SNRPG: variants seen among roughly 807,000 people sequenced by gnomAD.
SNRPG encodes the protein small nuclear ribonucleoprotein polypeptide G.
In SNRPG, 3 loss-of-function variants were observed where a neutral mutation model predicts 13.9. The observed-to-expected ratio is 0.22, with a 90% CI of 0.10 to 0.56. The LOEUF is 0.56. Among genes scored for constraint, SNRPG ranks in the 20% least tolerant of loss-of-function variants. SNRPG has a pLI of 0.93. For missense variants in SNRPG, 34 were observed against 96.1 expected, an observed-to-expected ratio of 0.35 and a Z score of 2.70; for synonymous variants, 29 against 29.3, an observed-to-expected ratio of 0.99 and a Z score of 0.03.
At chr2:70,289,963 A>G (rs1697040540) in intron 1 of SNRPG, among the ~76,000 whole-genome samples, 1 of 149,536 alleles carries the variant, frequency 6.7e-6, no homozygotes, top group Admixed American at 6.6e-5. Flanking sequence ...TTACATTCTT[A>G]TTGTTCAATA....
At chr2:70,291,014 A>AACACACACACACACACAC (rs56202448) in intron 1 of SNRPG, among the ~76,000 whole-genome samples, 14 of 133,582 alleles carry the variant, frequency 1.0e-4, no homozygotes, top group South Asian at 7.7e-4. Context: ...TCCATCTCAA[A>AACACACACACACACACAC]ACACACACAC....
At chr2:70,285,580 G>C (rs1475335783) in intron 3 of SNRPG, among the ~76,000 whole-genome samples, 1 of 151,906 alleles carries the variant, frequency 6.6e-6, no homozygotes, top group Non-Finnish European at 1.5e-5. Context: ...ATACACACGC[G>C]CGTGCACACA....
chr2:70,283,691 T>A (rs763672764), intron 3 of SNRPG, among the ~76,000 whole-genome samples: 2 of 152,062 alleles, frequency 1.3e-5, no homozygotes, highest in African/African-American at 4.8e-5. Context: ...GGGAACACAA[T>A]TGGTAGGATA....
chr2:70,282,877 T>C (rs540862725), intron 3 of SNRPG, among the ~76,000 whole-genome samples: 1 of 152,152 alleles, frequency 6.6e-6, no homozygotes, highest in East Asian at 1.9e-4. Flanking sequence ...GTGGATCACC[T>C]GAGGTTGGGA....
At chr2:70,283,060 A>T (rs1369327251) in intron 3 of SNRPG, among the ~76,000 whole-genome samples, 1 of 132,638 alleles carries the variant, frequency 7.5e-6, no homozygotes, top group Non-Finnish European at 1.5e-5. Context: ...GCGCCACTGC[A>T]CTCCAGCCTG....
At chr2:70,287,158 A>G in intron 3 of SNRPG, 2 of 594,534 alleles carry the variant, frequency 3.4e-6, no homozygotes, top group Non-Finnish European at 5.9e-6. Flanking sequence ...ATGGTATGTA[A>G]AAAAATTAAA....
Position 70,293,381 on chromosome 2 carries a change from G to A in SNRPG, c.32+237C>T, listed in dbSNP as rs1023298156. Reference sequence around the variant, plus strand: ...ACCAGGGGCCAGACCGCGGGACCTGGAGACTAGTCGGCCGGAAGGAGGTGC... The same window carrying A: ...ACCAGGGGCCAGACCGCGGGACCTGAAGACTAGTCGGCCGGAAGGAGGTGC... On this transcript the variant is annotated intron_variant, in intron 1 of 3. Coordinates refer to ENST00000272348, the MANE Select transcript of SNRPG (RefSeq NM_003096.4). The A allele has an allele frequency of 9.5e-6, 6 of 628,618 alleles. No individual in the cohort carries two copies. The African/African-American group carries it at 1.1e-4, about 11-fold the overall frequency. 38.9% of individuals were successfully genotyped at this position (628,618 alleles called of 1,614,324 possible).
At chr2:70,287,287 TTAA>T (rs1696966510) in intron 3 of SNRPG, 1 of 702,700 alleles carries the variant, frequency 1.4e-6, no homozygotes, top group East Asian at 2.7e-5. Flanking sequence ...GTCTTTATGC[TTAA>T]TAATTTGCTA....
rs910863907 is a variant in SNRPG, at chr2:70,293,454, TTC to T, written c.32+162_32+163del. 2.3e-4 allele frequency: 171 copies of T among 738,942 alleles called. 1 individual carries two copies. Among genetic ancestry groups the T allele is most frequent in the Middle Eastern group, 7.1e-4 (3 of 4,236 alleles). 45.8% of individuals were successfully genotyped at this position (738,942 alleles called of 1,614,324 possible). A position where few individuals can be genotyped will look rare whatever the true frequency, so the allele number is the denominator to read the frequency against. ...ACCGACGCGCGAGCTCTGCGCGGGCTTCACGTCTCATGCGCGGGAGCCTGGCC... is the reference window on the plus strand; with the variant it reads ...ACCGACGCGCGAGCTCTGCGCGGGCTACGTCTCATGCGCGGGAGCCTGGCC... On this transcript the variant is annotated intron_variant, in intron 1 of 3. Transcript: ENST00000272348.
chr2:70,283,096 C>CAAAAAAAAAAAAAAAAAAAAAAA (rs57862220), intron 3 of SNRPG, among the ~76,000 whole-genome samples: 3 of 14,042 alleles, frequency 2.1e-4, no homozygotes, highest in Admixed American at 1.1e-3. Flanking sequence ...TGTCTTTTGT[C>CAAAAAAAAAAAAAAAAAAAAAAA]AAAAAAAAAA....
At chr2:70,289,258 A>G in intron 2 of SNRPG, 92 bp downstream of exon 2, 1 of 815,410 alleles carries the variant, frequency 1.2e-6, no homozygotes, top group Non-Finnish European at 2.0e-6. Context: ...TGGCTGCTTT[A>G]AATTTTTATA....
At chr2:70,288,268 T>C in intron 2 of SNRPG, 76 bp from the exon 3 acceptor site, 2 of 1,271,502 alleles carry the variant, frequency 1.6e-6, no homozygotes, top group Non-Finnish European at 2.3e-6. Flanking sequence ...TCAGGTGGGA[T>C]AAAACACAAG....
rs560343902 is a variant in SNRPG at position 70,287,059 on chromosome 2, G to T, written c.180+1009C>A. Among the ~76,000 whole-genome samples the T allele has an allele frequency of 3.9e-5, 6 of 152,156 alleles. No individual in the cohort carries two copies. In the South Asian group the frequency reaches 1.2e-3, roughly 32 times the overall value. ...GTGTGGTATCTGGAGACTCTAAACT[G>T]TTTTTTCAGTCATAACTATTGATTT... On this transcript the variant is annotated intron_variant, in intron 3 of 3. Transcript: ENST00000272348.
chr2:70,292,193 G>A (rs1261295185), intron 1 of SNRPG, among the ~76,000 whole-genome samples: 6 of 152,036 alleles, frequency 3.9e-5, no homozygotes, highest in African/African-American at 9.7e-5. Flanking sequence ...TGATCCGCCC[G>A]CCTCGGCCTC....
chr2:70,290,171 G>A (rs1697047427), intron 1 of SNRPG, among the ~76,000 whole-genome samples: 1 of 151,498 alleles, frequency 6.6e-6, no homozygotes. Context: ...TTCAATGACT[G>A]GATTTTATAG....
At chr2:70,292,471 C>T (rs1697124602) in intron 1 of SNRPG, among the ~76,000 whole-genome samples, 2 of 152,134 alleles carry the variant, frequency 1.3e-5, no homozygotes. Flanking sequence ...CCTCAACCTC[C>T]GGAATAGCTG....
intron 3 of SNRPG, chr2:70,287,342 T>C (rs916244597): frequency 1.4e-6 from 1 of 702,972 alleles, no homozygotes; most frequent in African/African-American, 1.7e-5. Flanking sequence ...TCAAGAACTT[T>C]GGGCTTACCG....
chr2:70,291,024 C>CACACACACAT (rs1311644049), intron 1 of SNRPG, among the ~76,000 whole-genome samples: 4 of 120,682 alleles, frequency 3.3e-5, no homozygotes, highest in Non-Finnish European at 5.7e-5. Flanking sequence ...AACACACACA[C>CACACACACAT]ACACACACAC....
At chr2:70,287,230 T>C in intron 3 of SNRPG, 2 of 683,088 alleles carry the variant, frequency 2.9e-6, no homozygotes, top group Admixed American at 2.2e-5. Flanking sequence ...AAAATCAAGG[T>C]TAATAAATCA....
Sources: gnomAD v4.1 joint callset for allele counts (sites outside exome capture counted in the v4.1 genomes callset) on GRCh38, gnomAD v4.1.1 for gene constraint, MANE v1.5 for transcripts, NCBI Gene and HGNC (gene_info 2026-07-23, HGNC 2026-07-21) for gene names.